Variants in TMEFF2 observed in about 807,000 individuals in gnomAD.
TMEFF2 encodes transmembrane protein with EGF like and two follistatin like domains 2, also known as tomoregulin-2.
TMEFF2 carries 28 observed loss-of-function variants against 53.8 expected under a neutral mutation model. The ratio of observed to expected loss-of-function variants is 0.52; its 90% CI spans 0.39 to 0.71. TMEFF2 has a LOEUF of 0.71. Among genes scored for constraint, TMEFF2 ranks in the 30% least tolerant of loss-of-function variants. The pLI, the probability that TMEFF2 is intolerant of heterozygous loss-of-function variation, is 0.00. For missense variants in TMEFF2, 353 were observed against 455.2 expected, an observed-to-expected ratio of 0.78 and a Z score of 2.04; for synonymous variants, 162 against 166.3, an observed-to-expected ratio of 0.97 and a Z score of 0.20.
chr2:192,024,777 A>G (rs1204799027), intron 5 of TMEFF2, among the ~76,000 whole-genome samples: 1 of 152,244 alleles, frequency 6.6e-6, no homozygotes, highest in East Asian at 1.9e-4. Flanking sequence ...TTTTAAATTA[A>G]GCATCTATTT....
At chr2:192,124,803 A>G (rs1407835466) in intron 4 of TMEFF2, among the ~76,000 whole-genome samples, 3 of 152,200 alleles carry the variant, frequency 2.0e-5, no homozygotes, top group African/African-American at 7.2e-5. Context: ...CATTCTTCCA[A>G]TATTTCAGAG....
chr2:192,037,609 AGAGAGAAAGAGAGAGAG>A (rs1211806252), intron 5 of TMEFF2, among the ~76,000 whole-genome samples: 1 of 120,670 alleles, frequency 8.3e-6, no homozygotes, highest in African/African-American at 3.0e-5. Flanking sequence ...TGCGTGTGTG[AGAGAGAAAGAGAGAGAG>A]GAGAGAAAGA....
intron 4 of TMEFF2, among the ~76,000 whole-genome samples, chr2:192,156,423 A>G (rs1346440927): frequency 6.6e-6 from 1 of 152,024 alleles, no homozygotes; most frequent in East Asian, 1.9e-4. Context: ...TTCCACAGTT[A>G]GGAAGAAGTG....
At chr2:192,123,582 T>C (rs1689610102) in intron 4 of TMEFF2, among the ~76,000 whole-genome samples, 1 of 152,178 alleles carries the variant, frequency 6.6e-6, no homozygotes, top group African/African-American at 2.4e-5. Flanking sequence ...ATTAGCAAAA[T>C]AATAGTTTAA....
At chr2:191,994,555 A>G (rs1191446885) in intron 7 of TMEFF2, among the ~76,000 whole-genome samples, 1 of 151,618 alleles carries the variant, frequency 6.6e-6, no homozygotes. Context: ...TTTCCATTAG[A>G]AGACATGAGG....
chr2:192,169,307 G>A (rs1163235340), intron 4 of TMEFF2, among the ~76,000 whole-genome samples: 2 of 152,096 alleles, frequency 1.3e-5, no homozygotes, highest in Non-Finnish European at 1.5e-5. Context: ...AACATGGGAA[G>A]GGTTTTGGAT....
intron 4 of TMEFF2, among the ~76,000 whole-genome samples, chr2:192,095,118 T>C (rs1297172724): frequency 6.6e-6 from 1 of 152,184 alleles, no homozygotes; most frequent in Admixed American, 6.6e-5. Flanking sequence ...TTTTTTGCCA[T>C]GTGGTTCTTA....
At chr2:191,964,450 A>G (rs1484973824) in intron 7 of TMEFF2, among the ~76,000 whole-genome samples, 1 of 133,082 alleles carries the variant, frequency 7.5e-6, no homozygotes, top group Non-Finnish European at 1.6e-5. Context: ...CTTTTAACCC[A>G]TGTACCTTGT....
At chr2:191,961,173 C>T (rs1692261717) in intron 7 of TMEFF2, among the ~76,000 whole-genome samples, 1 of 152,078 alleles carries the variant, frequency 6.6e-6, no homozygotes, top group Non-Finnish European at 1.5e-5. Context: ...TTGACTGTGT[C>T]TATAATTCAG....
chr2:191,970,076 G>C (rs1692590968), intron 7 of TMEFF2, among the ~76,000 whole-genome samples: 1 of 152,148 alleles, frequency 6.6e-6, no homozygotes, highest in Non-Finnish European at 1.5e-5. Context: ...CAGTAAGACT[G>C]TCATTGAATG....
intron 4 of TMEFF2, chr2:192,178,979 T>C (rs937274298): frequency 4.0e-5 from 6 of 151,228 alleles, no homozygotes; most frequent in African/African-American, 1.5e-4. Context: ...TTAGTTTCAA[T>C]CTATAGGTAA....
At position 191,975,781 on chromosome 2, in the gene TMEFF2, T is replaced by G. The variant is rs146182122; in HGVS notation, c.746-19403A>C. Among the ~76,000 whole-genome samples the G allele has an allele frequency of 2.1e-3, 318 of 152,228 alleles. 2 individuals carry two copies. Among genetic ancestry groups the G allele is most frequent in the African/African-American group, 7.4e-3 (306 of 41,530 alleles). ...TCTTCCATGCCAATTAAAGATGAGT[T>G]TAATATAGAGAATATGAAGTATGCC... On this transcript the variant is annotated intron_variant, in intron 7 of 9. Coordinates refer to ENST00000272771, the MANE Select transcript of TMEFF2 (RefSeq NM_016192.4).
intron 7 of TMEFF2, among the ~76,000 whole-genome samples, chr2:191,967,468 A>G (rs1692502976): frequency 1.3e-5 from 2 of 152,176 alleles, no homozygotes; most frequent in African/African-American, 4.8e-5. Flanking sequence ...TTCTTGTTCT[A>G]GTGCAGATTG....
At chr2:192,103,624 T>A (rs1574375462) in intron 4 of TMEFF2, among the ~76,000 whole-genome samples, 1 of 152,134 alleles carries the variant, frequency 6.6e-6, no homozygotes, top group African/African-American at 2.4e-5. Context: ...TACAGGAAGG[T>A]AGTCTTGTTT....
intron 4 of TMEFF2, among the ~76,000 whole-genome samples, chr2:192,138,807 G>A (rs1030146358): frequency 1.3e-5 from 2 of 152,146 alleles, no homozygotes; most frequent in Non-Finnish European, 2.9e-5. Context: ...TATAGAGAAA[G>A]CATCCATGAC....
At chr2:192,098,969 GTAT>G (rs749981374) in intron 4 of TMEFF2, among the ~76,000 whole-genome samples, 1 of 152,010 alleles carries the variant, frequency 6.6e-6, no homozygotes, top group Non-Finnish European at 1.5e-5. Flanking sequence ...TAAAACAGAG[GTAT>G]TATATTTTTG....
At chr2:192,005,135 T>G (rs1275258761) in intron 5 of TMEFF2, among the ~76,000 whole-genome samples, 1 of 152,198 alleles carries the variant, frequency 6.6e-6, no homozygotes, top group African/African-American at 2.4e-5. Context: ...ACTGAAAACC[T>G]TAGCTCTCTG....
chr2:192,025,612 A>G (rs1490751686), intron 5 of TMEFF2, among the ~76,000 whole-genome samples: 2 of 152,018 alleles, frequency 1.3e-5, no homozygotes, highest in Non-Finnish European at 2.9e-5. Flanking sequence ...TTCTATGGGA[A>G]GAGATCTGTA....
At chr2:192,137,829 G>C (rs923817559) in intron 4 of TMEFF2, among the ~76,000 whole-genome samples, 7 of 150,154 alleles carry the variant, frequency 4.7e-5, no homozygotes, top group Admixed American at 2.0e-4. Flanking sequence ...TTGAGAGGGA[G>C]TCTCACTCTG....
Sources: gnomAD v4.1 joint callset for allele counts (sites outside exome capture counted in the v4.1 genomes callset) on GRCh38, gnomAD v4.1.1 for gene constraint, MANE v1.5 for transcripts, NCBI Gene and HGNC (gene_info 2026-07-23, HGNC 2026-07-21) for gene names.